The following DNAH9 variants were observed in gnomAD, a reference collection of about 807,000 sequenced individuals.
The protein encoded by DNAH9 is DNAH9 variant protein.
In DNAH9, 345 loss-of-function variants were observed where a neutral mutation model predicts 471.6. That is an observed-to-expected ratio of 0.73 (90% CI 0.67 to 0.80). The LOEUF (loss-of-function observed/expected upper bound fraction) is 0.80. Among genes scored for constraint, DNAH9 ranks in the 30% least tolerant of loss-of-function variants. DNAH9 has a pLI of 0.00. For synonymous variants in DNAH9, 2,093 were observed against 2,123.6 expected (o/e 0.99, Z 0.40); for missense variants, 5,407 against 5,609.2 (o/e 0.96, Z 1.15).
rs556053721 is a variant in DNAH9, at chr17:11,626,493, C to T, written c.1351-2924C>T. On this transcript the variant is annotated intron_variant, in intron 6 of 68. Transcript: ENST00000262442. This position sits in a 1 kb window ranked among gnomAD's most constrained non-coding sequence, Gnocchi z 4.3. ...ATCAAACTTATTAAAACCCCTTCAGCGATGGAGAGCTCCCTCCCTCTCTTT... is the reference window on the plus strand; with the variant it reads ...ATCAAACTTATTAAAACCCCTTCAGTGATGGAGAGCTCCCTCCCTCTCTTT... 2.6e-5 allele frequency among the ~76,000 whole-genome samples: 4 copies of T among 152,296 alleles called. No homozygotes were observed. The highest frequency in any genetic ancestry group is 1.9e-4 in the East Asian group (1 of 5,182).
At chr17:11,924,055 G>A (rs1974230946) in intron 62 of DNAH9, 114 bp downstream of exon 62, 8 of 1,406,326 alleles carry the variant, frequency 5.7e-6, no homozygotes, top group Non-Finnish European at 7.7e-6. Context: ...TCACACTCTT[G>A]TCCCCTTCAT....
At chr17:11,613,351 G>T (rs1381545182) in intron 4 of DNAH9, among the ~76,000 whole-genome samples, 1 of 152,214 alleles carries the variant, frequency 6.6e-6, no homozygotes, top group African/African-American at 2.4e-5. Context: ...GCTTGGCACA[G>T]TGGCTCACAC....
At position 11,962,076 on chromosome 17, in the gene DNAH9, C is replaced by A; in HGVS notation, c.13053C>A (p.Asn4351Lys). 2 of 1,614,148 alleles carry A rather than the reference C, an allele frequency of 1.2e-6. No homozygotes were observed. Among genetic ancestry groups the A allele is most frequent in the Non-Finnish European group, 1.7e-6 (2 of 1,180,034 alleles). Reference protein sequence around the residue: ...PSTVWLTGFFNPQSFLTAIMQ... With the variant: ...PSTVWLTGFFKPQSFLTAIMQ... ...CTGTGTGGCTGACAGGCTTCTTCAA[C>A]CCCCAGTCGTTCCTGACTGCCATCA... The change falls in exon 68 of 69, where the codon AAC becomes AAA. Residue 4351 changes from asparagine (N) to lysine (K), a missense_variant. Physicochemically the swap from Asn to Lys is moderately conservative, Grantham distance 94. Transcript: ENST00000262442. This position sits in a 1 kb window ranked among gnomAD's most constrained non-coding sequence, Gnocchi z 4.1.
chr17:11,951,252 T>A (rs961040699), intron 67 of DNAH9, among the ~76,000 whole-genome samples: 10 of 152,234 alleles, frequency 6.6e-5, no homozygotes, highest in African/African-American at 1.2e-4. Context: ...CCTGTTTTTT[T>A]AAAAAATATC....
In DNAH9 at chr17:11,608,299, G is replaced by A. The variant is rs758030440; in HGVS notation, c.588G>A (p.Glu196=). 7.4e-6 allele frequency: 12 copies of A among 1,611,072 alleles called. No individual in the cohort carries two copies. The highest frequency in any genetic ancestry group is 4.0e-5 in the African/African-American group (3 of 74,920). ...TTCCAGCAGGCTCAGAAAAAATGGA[G>A]TTTGCGGATTCCAAAAGTGAGACAG... ...LPLPAGSEKM[E]FADSKSETVL... Residue 196 remains glutamate (E), a synonymous_variant, in exon 2 of 69, where the codon GAG becomes GAA. Coordinates refer to ENST00000262442, the MANE Select transcript of DNAH9 (RefSeq NM_001372.4).
chr17:11,690,101 G>A lies in DNAH9; in HGVS notation c.4279G>A (p.Ala1427Thr). 1 of 1,614,196 alleles carries A rather than the reference G, an allele frequency of 6.2e-7. No homozygotes were observed. Among genetic ancestry groups the A allele is most frequent in the East Asian group, 2.2e-5 (1 of 44,870 alleles). The change falls in exon 20 of 69, where the codon GCT becomes ACT. Residue 1427 changes from alanine (A) to threonine (T), a missense_variant. Ala to Thr is a moderately conservative substitution (Grantham distance 58). Around this residue, in one of 3 missense-constraint regions of DNAH9, gnomAD observed 4,636 missense variants for 4,900.3 expected, o/e 0.95. Coordinates refer to ENST00000262442, the MANE Select transcript of DNAH9 (RefSeq NM_001372.4). ...TGAGGTCCGGGGCATTGTGGACAAAGCTGCAAAAGAGATGGGTATGGAGAA... is the reference window on the plus strand; with the variant it reads ...TGAGGTCCGGGGCATTGTGGACAAAACTGCAAAAGAGATGGGTATGGAGAA... The part of the protein sequence containing the change: ...EDEVRGIVDK[A>T]AKEMGMEKTL...
chr17:11,690,267 T>C lies in DNAH9; in HGVS notation c.4445T>C (p.Leu1482Pro), dbSNP rs2074311724. The change falls in exon 20 of 69, where the codon CTG becomes CCG. Residue 1482 changes from leucine to proline, a missense_variant. Coordinates refer to ENST00000262442, the MANE Select transcript of DNAH9 (RefSeq NM_001372.4). ...GATAATCAAGTTCAACTTCAGAACC[T>C]GGTGATGTCCAAGTATGTTGCTTTC... ...LEDNQVQLQN[L>P]VMSKYVAFFL... 2.5e-6 allele frequency: 4 copies of C among 1,614,086 alleles called. No individual in the cohort carries two copies. In the African/African-American group the frequency reaches 5.3e-5, roughly 22 times the overall value.
At chr17:11,690,500 A>G in intron 20 of DNAH9, 64 bp downstream of exon 20, 1 of 1,453,548 alleles carries the variant, frequency 6.9e-7, no homozygotes, top group Non-Finnish European at 9.4e-7. Context: ...AAGGTCACCC[A>G]GTTCCTGCAT....
At chr17:11,770,020 G>A (rs1429854227) in intron 38 of DNAH9, among the ~76,000 whole-genome samples, 1 of 152,228 alleles carries the variant, frequency 6.6e-6, no homozygotes, top group African/African-American at 2.4e-5. Flanking sequence ...AGGCAGGGCT[G>A]GGGAGAAACC....
chr17:11,694,486 C>G (rs1395733734), intron 22 of DNAH9, 39 bp downstream of exon 22: 1 of 1,611,198 alleles, frequency 6.2e-7, no homozygotes, highest in Non-Finnish European at 8.5e-7. Context: ...TCTAGGAGGG[C>G]TGAGGGGTGC....
chr17:11,603,492 CTGTT>C (rs913768827), intron 1 of DNAH9, among the ~76,000 whole-genome samples: 3 of 152,202 alleles, frequency 2.0e-5, no homozygotes, highest in Non-Finnish European at 2.9e-5. Flanking sequence ...TAGAGGTAAA[CTGTT>C]TGTGCTGCCC....
intron 37 of DNAH9, 146 bp downstream of exon 37, chr17:11,768,772 T>C (rs1375884089): frequency 2.9e-5 from 29 of 999,840 alleles, no homozygotes; most frequent in Non-Finnish European, 3.8e-5. Flanking sequence ...GCAGAGGAGA[T>C]GATGGGTGTA....
chr17:11,934,732 G>T (rs1455263331), intron 65 of DNAH9, among the ~76,000 whole-genome samples: 3 of 152,070 alleles, frequency 2.0e-5, no homozygotes, highest in East Asian at 3.9e-4. Context: ...GATTACAGGC[G>T]TGAGCCGCCG....
intron 67 of DNAH9, among the ~76,000 whole-genome samples, chr17:11,943,077 GGA>G (rs1974994381): frequency 1.3e-5 from 2 of 151,762 alleles, no homozygotes; most frequent in African/African-American, 4.8e-5. Flanking sequence ...TGTATTTTTA[GGA>G]GAGATGGGGT....
chr17:11,655,899 TACAC>T (rs1006836593), intron 14 of DNAH9, among the ~76,000 whole-genome samples: 5 of 151,324 alleles, frequency 3.3e-5, no homozygotes, highest in South Asian at 2.1e-4. Context: ...TACATATATA[TACAC>T]ACACACACAT....
chr17:11,618,521 A>T (rs1409636712), intron 5 of DNAH9, among the ~76,000 whole-genome samples: 1 of 150,558 alleles, frequency 6.6e-6, no homozygotes, highest in Admixed American at 6.7e-5. Context: ...GGGAGGCAGA[A>T]GTTGCAGTGA....
intron 62 of DNAH9, among the ~76,000 whole-genome samples, chr17:11,928,873 G>A (rs1974412185): frequency 2.6e-5 from 4 of 152,032 alleles, no homozygotes; most frequent in African/African-American, 9.7e-5. Context: ...AGTAAGTTTG[G>A]GCAGGACCTT....
intron 52 of DNAH9, among the ~76,000 whole-genome samples, chr17:11,872,601 A>G (rs1972313599): frequency 6.6e-6 from 1 of 152,128 alleles, no homozygotes; most frequent in Admixed American, 6.5e-5. Flanking sequence ...TTCCCAGTCC[A>G]CTTGAGGAGA....
chr17:11,614,996 A>G (rs1315444365), intron 4 of DNAH9, among the ~76,000 whole-genome samples: 2 of 152,180 alleles, frequency 1.3e-5, no homozygotes, highest in African/African-American at 4.8e-5. Context: ...GAAAGAAGGC[A>G]CACAAAGAAG....
Sources: gnomAD v4.1 joint callset for allele counts (sites outside exome capture counted in the v4.1 genomes callset) on GRCh38, gnomAD v4.1.1 for gene constraint, gnomAD v4.1.1 regional missense constraint, Gnocchi (gnomAD v3.1) non-coding constraint, MANE v1.5 for transcripts, NCBI Gene and HGNC (gene_info 2026-07-23, HGNC 2026-07-21) for gene names.